TRRAP: variants seen among roughly 807,000 people sequenced by gnomAD.
TRRAP encodes transformation/transcription domain associated protein.
A neutral mutation model predicts 438.8 loss-of-function variants in TRRAP; 41 were observed. That is an observed-to-expected ratio of 0.09 (90% CI 0.07 to 0.12). The LOEUF is 0.12. TRRAP is among the 10% of genes least tolerant of loss of function. The pLI, the probability that TRRAP is intolerant of heterozygous loss-of-function variation, is 1.00. For missense variants in TRRAP, 3,122 were observed against 5,055.1 expected (o/e 0.62, Z 11.60); for synonymous variants, 1,994 against 1,962.9 (o/e 1.02, Z -0.42).
rs1180311864 is a variant in TRRAP at position 98,912,123 on chromosome 7, C to T, written c.2109C>T (p.Asn703=). The change falls in exon 18 of 73, where the codon AAC becomes AAT. Residue 703 remains asparagine, a synonymous_variant. Coordinates refer to ENST00000456197, the MANE Select transcript of TRRAP (RefSeq NM_001375524.1). Reference sequence around the variant, plus strand: ...ATCGCCTGCCAGAAATGGGCTCCAACGTGGAGCTCTCCAACCTGTACCTCA... The same window carrying T: ...ATCGCCTGCCAGAAATGGGCTCCAATGTGGAGCTCTCCAACCTGTACCTCA... ...LLDRLPEMGS[N]VELSNLYLKL... 2.2e-5 allele frequency: 36 copies of T among 1,614,090 alleles called. No homozygotes were observed. Among genetic ancestry groups the T allele is most frequent in the African/African-American group, 1.1e-4 (8 of 74,940 alleles).
chr7:98,900,584 CAT>C, intron 10 of TRRAP, 38 bp from the exon 11 acceptor site: 1 of 1,527,982 alleles, frequency 6.5e-7, no homozygotes, highest in Non-Finnish European at 9.0e-7. Flanking sequence ...TAACATCACT[CAT>C]AATTGAGAGG....
At chr7:98,879,361 G>A (rs1041919946) in intron 1 of TRRAP, among the ~76,000 whole-genome samples, 15 of 152,246 alleles carry the variant, frequency 9.9e-5, no homozygotes, top group African/African-American at 3.4e-4. Flanking sequence ...ACAGGACTAG[G>A]GAGGTTCTTA....
chr7:98,984,149 A>G lies in TRRAP; in HGVS notation c.9079A>G (p.Met3027Val). 6.2e-7 allele frequency: 1 copy of G among 1,614,086 alleles called. No homozygotes were observed. Among genetic ancestry groups the G allele is most frequent in the Non-Finnish European group, 8.5e-7 (1 of 1,179,978 alleles). Reference protein sequence around the residue: ...SQHDPSSNNAMLGVHASASAI... With the variant: ...SQHDPSSNNAVLGVHASASAI... ...GCATGATCCCAGTTCAAATAACGCT[A>G]TGCTTGGGGTTCATGCATCAGCTTC... is the stretch of plus-strand genomic sequence containing the variant. The change falls in exon 61 of 73, where the codon ATG becomes GTG. Residue 3027 changes from methionine (M) to valine (V), a missense_variant. Transcript: ENST00000456197.
chr7:98,982,640 A>G (rs1321766765), intron 59 of TRRAP, among the ~76,000 whole-genome samples: 1 of 152,212 alleles, frequency 6.6e-6, no homozygotes, highest in Non-Finnish European at 1.5e-5. Flanking sequence ...CAGAATTTGG[A>G]TAGGCTGAGG....
Position 98,955,127 on chromosome 7 carries a change from A to C in TRRAP, c.5760A>C (p.Ala1920=). The C allele has an allele frequency of 3.1e-6, 5 of 1,614,146 alleles. No individual in the cohort carries two copies. The highest frequency in any genetic ancestry group is 3.4e-6 in the Non-Finnish European group (4 of 1,180,008). The part of the protein sequence containing the change: ...QVFHSLLKAH[A]MEARAIVRQA... The stretch of plus-strand genomic sequence containing the variant: ...TTCATAGTCTCCTCAAGGCTCACGC[A>C]ATGGAAGCTCGAGCGATCGTCAGAC... The change falls in exon 41 of 73, where the codon GCA becomes GCC. Residue 1920 remains alanine (A), a synonymous_variant. Transcript: ENST00000456197.
At chr7:98,881,417 C>T (rs868989150) in intron 2 of TRRAP, among the ~76,000 whole-genome samples, 167 bp downstream of exon 2, 4 of 151,958 alleles carry the variant, frequency 2.6e-5, no homozygotes, top group African/African-American at 7.2e-5. Flanking sequence ...TACTAAAATA[C>T]AAAAATTAGC....
In TRRAP at chr7:98,970,298, C is replaced by A. The variant is rs767168911; in HGVS notation, c.7692+7C>A. On this transcript the variant is annotated splice_region_variant and intron_variant, in intron 52 of 72. Transcript: ENST00000456197. ...CAGCGAGTCCAAAGAGGAGGTGAGG[C>A]CCTGCACCCCACAGGCAGAATCCCA... is the stretch of plus-strand genomic sequence containing the variant. The A allele has an allele frequency of 6.2e-7, 1 of 1,610,390 alleles. No individual in the cohort carries two copies. The highest frequency in any genetic ancestry group is 8.5e-7 in the Non-Finnish European group (1 of 1,179,744).
At chr7:98,977,642 G>C (rs948108945) in intron 56 of TRRAP, among the ~76,000 whole-genome samples, 1 of 152,200 alleles carries the variant, frequency 6.6e-6, no homozygotes, top group Non-Finnish European at 1.5e-5. Context: ...CCTGTTGGAA[G>C]TGATAGGTTT....
rs1024284767 is a variant in TRRAP at position 98,968,696 on chromosome 7, A to C, written c.7512+998A>C. 4.1e-4 allele frequency among the ~76,000 whole-genome samples: 62 copies of C among 152,194 alleles called. 1 individual carries two copies. The highest frequency in any genetic ancestry group is 8.8e-5 in the Non-Finnish European group (6 of 68,040). ...CTGAGACAGCTGGGACAGAAGGTGG[A>C]TTAGTTCTCTTTGATGAGAAGAAGG... On this transcript the variant is annotated intron_variant, in intron 51 of 72. Coordinates refer to ENST00000456197, the MANE Select transcript of TRRAP (RefSeq NM_001375524.1).
At chr7:98,958,402 C>G (rs1376326497) in intron 44 of TRRAP, among the ~76,000 whole-genome samples, 1 of 151,884 alleles carries the variant, frequency 6.6e-6, no homozygotes, top group Non-Finnish European at 1.5e-5. Flanking sequence ...CAGGTTCAAG[C>G]GATTCTCGTC....
intron 47 of TRRAP, among the ~76,000 whole-genome samples, chr7:98,963,194 A>T (rs141882412): frequency 6.6e-6 from 1 of 152,348 alleles, no homozygotes; most frequent in South Asian, 2.1e-4. Context: ...GAATTTGCCA[A>T]CTGAATATAT....
rs2116324673 is a variant in TRRAP, at chr7:98,895,756, T to A, written c.451-8T>A. ...TCTTCCTATAACGAAAGTGTCTGCT[T>A]TTTTTAGATTCATCATTTTCTGGAT... On this transcript the variant is annotated splice_polypyrimidine_tract_variant and splice_region_variant and intron_variant, in intron 6 of 72. Transcript: ENST00000456197. 6.3e-7 allele frequency: 1 copy of A among 1,599,576 alleles called. No homozygotes were observed. Among genetic ancestry groups the A allele is most frequent in the East Asian group, 2.2e-5 (1 of 44,620 alleles).
In TRRAP at chr7:98,962,478, C is replaced by G. The variant is rs529004761; in HGVS notation, c.6829+51C>G. On this transcript the variant is annotated intron_variant, in intron 47 of 72. Coordinates refer to ENST00000456197, the MANE Select transcript of TRRAP (RefSeq NM_001375524.1). ...CGTGGTGGCTCAGTTTGGCCTCTTT[C>G]CCCGCTCACTGGACGTGCTTCCCTT... 373 of 1,611,692 alleles carry G rather than the reference C, an allele frequency of 2.3e-4. 3 individuals carry two copies. In the South Asian group the frequency reaches 3.8e-3, roughly 17 times the overall value.
intron 67 of TRRAP, among the ~76,000 whole-genome samples, chr7:99,000,424 T>C (rs1584410031): frequency 6.6e-6 from 1 of 152,212 alleles, no homozygotes; most frequent in Admixed American, 6.5e-5. Context: ...ACATATACTA[T>C]GGAAATCCTG....
intron 40 of TRRAP, among the ~76,000 whole-genome samples, chr7:98,953,746 G>T (rs1554418854): frequency 6.6e-6 from 1 of 152,190 alleles, no homozygotes. Context: ...ACAGTGTGAA[G>T]GTGCCGAGCG....
Position 98,956,244 on chromosome 7 carries a change from G to A in TRRAP, c.6036G>A (p.Leu2012=). The change falls in exon 42 of 73, where the codon CTG becomes CTA. Residue 2012 remains leucine, a synonymous_variant. Coordinates refer to ENST00000456197, the MANE Select transcript of TRRAP (RefSeq NM_001375524.1). The surrounding 1 kb of genome is among the most constrained non-coding windows in gnomAD (Gnocchi z 4.5). ...TPSVTIEQRR[L]AVDLSEVVIK... ...GTGTCACCATCGAGCAGAGGCGGCT[G>A]GCCGTGGACCTGTCTGAAGTCGTCA... is the stretch of plus-strand genomic sequence containing the variant. The A allele has an allele frequency of 6.2e-7, 1 of 1,614,148 alleles. No homozygotes were observed. The highest frequency in any genetic ancestry group is 8.5e-7 in the Non-Finnish European group (1 of 1,180,030).
Position 98,976,447 on chromosome 7 carries a change from G to T in TRRAP, c.7960-36G>T, listed in dbSNP as rs1792661151. 4 of 1,588,208 alleles carry T rather than the reference G, an allele frequency of 2.5e-6. No homozygotes were observed. The highest frequency in any genetic ancestry group is 1.7e-5 in the Admixed American group (1 of 59,052). On this transcript the variant is annotated intron_variant, in intron 54 of 72. Coordinates refer to ENST00000456197, the MANE Select transcript of TRRAP (RefSeq NM_001375524.1). The surrounding 1 kb of genome is among the most constrained non-coding windows in gnomAD (Gnocchi z 4.6). Reference sequence around the variant, plus strand: ...GAGACAGCAAGACTTGCCGATTTTTGAATGAAGGCCTAAATGACATGTGCT... The same window carrying T: ...GAGACAGCAAGACTTGCCGATTTTTTAATGAAGGCCTAAATGACATGTGCT...
chr7:98,992,358 G>C, intron 65 of TRRAP, 131 bp downstream of exon 65: 1 of 904,448 alleles, frequency 1.1e-6, no homozygotes, highest in African/African-American at 1.6e-5. Context: ...TCTCTCCTCA[G>C]TGGGCAGCAC....
In TRRAP at chr7:98,976,587, G is replaced by GTGC. The variant is rs751491228; in HGVS notation, c.8065_8067dup (p.Cys2689dup). 8 of 1,614,198 alleles carry GTGC rather than the reference G, an allele frequency of 5.0e-6. No homozygotes were observed. The South Asian group carries it at 8.8e-5, about 18-fold the overall frequency. On this transcript the variant is annotated inframe_insertion, in exon 55 of 73. Transcript: ENST00000456197. The surrounding 1 kb of genome is among the most constrained non-coding windows in gnomAD (Gnocchi z 4.6). The stretch of plus-strand genomic sequence containing the variant: ...ACTGCTTTGTGGAAGCCATGTCCCA[G>GTGC]TGCGTGCCGCCAATCCCCATCCGAC...
Sources: allele counts gnomAD v4.1 joint callset (sites outside exome capture counted in the v4.1 genomes callset), GRCh38; gene constraint gnomAD v4.1.1; non-coding constraint Gnocchi (gnomAD v3.1); transcripts MANE v1.5; gene names NCBI Gene and HGNC (gene_info 2026-07-23, HGNC 2026-07-21).